Variants in PRELID2 observed in about 807,000 individuals in gnomAD.
PRELID2 encodes the protein PRELI domain containing 2, also known as PRELI domain-containing protein 2.
Under a neutral mutation model 28.4 loss-of-function variants are expected in PRELID2, and 25 were observed. That is an observed-to-expected ratio of 0.88 (90% confidence interval 0.64 to 1.23). The LOEUF is 1.23. Among genes scored for constraint, PRELID2 ranks in the 50% most tolerant of loss-of-function variants. The probability of loss-of-function intolerance (pLI) is 0.00; values close to 1 mark genes in which losing one functional copy is unlikely to be tolerated. For synonymous variants in PRELID2, 76 were observed against 71.6 expected (o/e 1.06, Z -0.31); for missense variants, 201 against 214.4 (o/e 0.94, Z 0.39).
In PRELID2 at chr5:145,731,146, T is replaced by C. The variant is rs115737330; in HGVS notation, n.70+33785A>G. Among the ~76,000 whole-genome samples, 723 of 152,360 alleles carry C rather than the reference T, an allele frequency of 4.7e-3. 8 individuals carry two copies. Among genetic ancestry groups the C allele is most frequent in the African/African-American group, 0.017 (689 of 41,580 alleles). On this transcript the variant is annotated intron_variant and non_coding_transcript_variant, in intron 1 of 2. Transcript: ENST00000510259. Reference sequence around the variant, plus strand: ...TTTAACTCTTACATGTTCTACATTGTTGCATGTGTACTAATGTTTAAAGCA... The same window carrying C: ...TTTAACTCTTACATGTTCTACATTGCTGCATGTGTACTAATGTTTAAAGCA...
chr5:145,295,223 A>C, the PRELID2 span, among the ~76,000 whole-genome samples: 1 of 152,194 alleles, frequency 6.6e-6, no homozygotes, highest in Admixed American at 6.6e-5. Context: ...GCCCTGCAAA[A>C]AAATTGATTT....
At chr5:145,800,700 A>G (rs1753079768) in intron 4 of PRELID2, among the ~76,000 whole-genome samples, 1 of 152,178 alleles carries the variant, frequency 6.6e-6, no homozygotes, top group Non-Finnish European at 1.5e-5. Flanking sequence ...CACATATCAG[A>G]GAATAACAGA....
the PRELID2 span, among the ~76,000 whole-genome samples, chr5:145,333,456 G>C: frequency 6.6e-6 from 1 of 152,208 alleles, no homozygotes; most frequent in East Asian, 1.9e-4. Context: ...CTTTCTTTCA[G>C]AGATGCCCTG....
At chr5:145,384,584 T>C in the PRELID2 span, among the ~76,000 whole-genome samples, 1 of 152,202 alleles carries the variant, frequency 6.6e-6, no homozygotes, top group Non-Finnish European at 1.5e-5. Context: ...TATTAGGCTG[T>C]TCTTGCATTA....
intron 1 of PRELID2, among the ~76,000 whole-genome samples, chr5:145,602,913 G>A (rs931657933): frequency 2.0e-5 from 3 of 152,146 alleles, no homozygotes; most frequent in East Asian, 3.9e-4. Flanking sequence ...TTTGCCAGGC[G>A]TGGTAGCAGG....
At chr5:145,695,438 G>A (rs1007674405) in intron 1 of PRELID2, among the ~76,000 whole-genome samples, 2 of 152,230 alleles carry the variant, frequency 1.3e-5, no homozygotes, top group Admixed American at 1.3e-4. Flanking sequence ...AGAGAAGCCA[G>A]CTAATGCACA....
intron 1 of PRELID2, among the ~76,000 whole-genome samples, chr5:145,477,176 GAGATTTATAAAA>G (rs1752110037): frequency 6.6e-6 from 1 of 152,180 alleles, no homozygotes; most frequent in African/African-American, 2.4e-5. Flanking sequence ...AGAGGATACA[GAGATTTATAAAA>G]CTGGAAAGAC....
the PRELID2 span, among the ~76,000 whole-genome samples, chr5:145,452,971 G>T: frequency 6.6e-6 from 1 of 152,094 alleles, no homozygotes; most frequent in African/African-American, 2.4e-5. Flanking sequence ...CAGCTATGAA[G>T]TTCCTAGATT....
the PRELID2 span, among the ~76,000 whole-genome samples, chr5:145,272,465 C>T: frequency 6.6e-6 from 1 of 151,974 alleles, no homozygotes; most frequent in Non-Finnish European, 1.5e-5. Flanking sequence ...GGTGTGATGC[C>T]CGCACACAGA....
chr5:145,662,888 C>A (rs1754521878), intron 1 of PRELID2, among the ~76,000 whole-genome samples: 1 of 152,118 alleles, frequency 6.6e-6, no homozygotes, highest in African/African-American at 2.4e-5. Context: ...TTCAGGTATT[C>A]TGTGATAAGC....
chr5:145,338,227 T>C, the PRELID2 span: 1 of 152,370 alleles, frequency 6.6e-6, no homozygotes, highest in South Asian at 2.1e-4. Context: ...CTGTTGTGGA[T>C]GACCTTAGTA....
rs186324961 is a variant in PRELID2 at position 145,677,993 on chromosome 5, G to A, written n.70+86938C>T. On this transcript the variant is annotated intron_variant and non_coding_transcript_variant, in intron 1 of 2. Coordinates refer to the PRELID2 transcript ENST00000510259. ...GACATGGTTTTATCTTTTCTTGAGA[G>A]TCAGTGCAACATGCTAACTATCTAT... Among the ~76,000 whole-genome samples the A allele has an allele frequency of 1.2e-3, 184 of 152,314 alleles. 1 individual carries two copies. The highest frequency in any genetic ancestry group is 4.2e-3 in the African/African-American group (176 of 41,568).
chr5:145,773,738 G>A (rs1023119629), intron 5 of PRELID2, among the ~76,000 whole-genome samples: 1 of 152,142 alleles, frequency 6.6e-6, no homozygotes, highest in African/African-American at 2.4e-5. Context: ...CCCTTTATCA[G>A]CCATTTTTTC....
At chr5:145,830,405 T>G (rs1378976254) in intron 1 of PRELID2, among the ~76,000 whole-genome samples, 2 of 152,156 alleles carry the variant, frequency 1.3e-5, no homozygotes, top group Admixed American at 1.3e-4. Flanking sequence ...CAGATGAAAT[T>G]TAAGAAGTTC....
the PRELID2 span, among the ~76,000 whole-genome samples, chr5:145,461,384 G>A: frequency 9.2e-5 from 14 of 151,866 alleles, no homozygotes; most frequent in Admixed American, 3.9e-4. Flanking sequence ...CTCACTGCAA[G>A]CTCTGCCTCC....
intron 1 of PRELID2, among the ~76,000 whole-genome samples, chr5:145,601,545 T>C (rs1753397687): frequency 6.6e-6 from 1 of 152,226 alleles, no homozygotes. Flanking sequence ...TGAAAACAAC[T>C]GAAACATTTA....
intron 1 of PRELID2, among the ~76,000 whole-genome samples, chr5:145,620,571 A>AT (rs543600071): frequency 1.7e-3 from 258 of 152,276 alleles, no homozygotes; most frequent in African/African-American, 5.2e-3. Context: ...TAAAAAATAA[A>AT]TTTTTTTTAA....
intron 1 of PRELID2, among the ~76,000 whole-genome samples, chr5:145,621,496 C>G (rs532110652): frequency 5.3e-5 from 8 of 152,078 alleles, no homozygotes; most frequent in Non-Finnish European, 8.8e-5. Flanking sequence ...TAGACACAAC[C>G]CCAAATCCCA....
At chr5:145,337,474 G>A in the PRELID2 span, among the ~76,000 whole-genome samples, 4 of 151,338 alleles carry the variant, frequency 2.6e-5, no homozygotes, top group Non-Finnish European at 5.9e-5. Flanking sequence ...CCACTAGACT[G>A]CCCCTGCTTC....
Sources: gnomAD v4.1 joint callset for allele counts (sites outside exome capture counted in the v4.1 genomes callset) on GRCh38, gnomAD v4.1.1 for gene constraint, MANE v1.5 for transcripts, NCBI Gene and HGNC (gene_info 2026-07-23, HGNC 2026-07-21) for gene names.